Variants in KCNE1 observed in about 807,000 individuals in gnomAD.
KCNE1 encodes the protein potassium voltage-gated channel subfamily E regulatory subunit 1, also known as potassium voltage-gated channel subfamily E member 1.
In KCNE1, 1 loss-of-function variant was observed where a neutral mutation model predicts 2.9. That is an observed-to-expected ratio of 0.34 (90% CI 0.12 to 1.62). The LOEUF (loss-of-function observed/expected upper bound fraction) is 1.62, where lower values mean the gene tolerates loss of function less well. Among genes scored for constraint, KCNE1 ranks in the 40% most tolerant of loss-of-function variants. The pLI is 0.36. For missense variants in KCNE1, 45 were observed against 150.5 expected (o/e 0.30, Z 3.67); for synonymous variants, 23 against 65.4 (o/e 0.35, Z 3.13).
rs116579537 is a variant in KCNE1 at position 34,508,641 on chromosome 21, A to C, written c.-162+2460T>G. Among the ~76,000 whole-genome samples, 1,200 of 152,280 alleles carry C rather than the reference A, an allele frequency of 7.9e-3. 20 individuals are homozygous for C. The highest frequency in any genetic ancestry group is 0.027 in the African/African-American group (1,132 of 41,550). On this transcript the variant is annotated intron_variant, in intron 2 of 3. Transcript: ENST00000399286. ...TACAGGCATGAGCCACCGCGCCCAG[A>C]CTGGGGTTTTTTAATTTTCACTATT... is the stretch of plus-strand genomic sequence containing the variant.
intron 2 of KCNE1, among the ~76,000 whole-genome samples, chr21:34,506,713 T>C (rs988477210): frequency 3.3e-5 from 5 of 152,212 alleles, no homozygotes; most frequent in Non-Finnish European, 7.3e-5. Flanking sequence ...CAGAAACAAA[T>C]ACATTGAACT....
chr21:34,507,160 G>C (rs1983543755), intron 2 of KCNE1, among the ~76,000 whole-genome samples: 1 of 152,254 alleles, frequency 6.6e-6, no homozygotes, highest in Middle Eastern at 3.4e-3. Context: ...AGAAGGAATG[G>C]GGGAAGCTTT....
At chr21:34,497,844 A>T (rs1158794725) in intron 2 of KCNE1, among the ~76,000 whole-genome samples, 1 of 151,570 alleles carries the variant, frequency 6.6e-6, no homozygotes, top group Admixed American at 6.6e-5. Flanking sequence ...CATAATCCCA[A>T]ATTTCTTGGG....
At chr21:34,505,598 CTTGAAG>C (rs1983435973) in intron 2 of KCNE1, among the ~76,000 whole-genome samples, 2 of 152,176 alleles carry the variant, frequency 1.3e-5, no homozygotes, top group African/African-American at 2.4e-5. Context: ...GGGATTGGGG[CTTGAAG>C]CCCAGGTCTT....
chr21:34,497,543 G>T (rs528266461), intron 2 of KCNE1, among the ~76,000 whole-genome samples: 1 of 152,294 alleles, frequency 6.6e-6, no homozygotes, highest in Non-Finnish European at 1.5e-5. Flanking sequence ...TTTCTGCTGA[G>T]AAATCTGCTG....
chr21:34,446,706 T>C lies in KCNE1; in HGVS notation c.*2539A>G, dbSNP rs1353164618. 1.3e-5 allele frequency: 1 copy of C among 75,604 alleles called. No homozygotes were observed. Among genetic ancestry groups the C allele is most frequent in the Non-Finnish European group, 2.9e-5 (1 of 34,580 alleles). The allele number at this position is 75,604 out of a possible 1,614,324, so 4.7% of individuals were successfully genotyped here. The stretch of plus-strand genomic sequence containing the variant: ...CATCACAGATCATAGTAAATGGCTT[T>C]AATTTTTTAGCGAAATCTCACTACT... On this transcript the variant is annotated 3_prime_UTR_variant, in exon 4 of 4. Coordinates refer to ENST00000399286, the MANE Select transcript of KCNE1 (RefSeq NM_000219.6).
chr21:34,496,329 T>A (rs538726119), intron 2 of KCNE1, among the ~76,000 whole-genome samples: 4 of 152,312 alleles, frequency 2.6e-5, no homozygotes, highest in African/African-American at 9.6e-5. Flanking sequence ...CGCCTTGGCC[T>A]CCCAAAGTGC....
At chr21:34,497,052 C>A (rs189284346) in intron 2 of KCNE1, among the ~76,000 whole-genome samples, 14 of 152,182 alleles carry the variant, frequency 9.2e-5, no homozygotes, top group Middle Eastern at 3.4e-3. Context: ...TTATGTGAGT[C>A]CTTATGTGTC....
At position 34,501,386 on chromosome 21, in the gene KCNE1, T is replaced by C. The variant is rs41315455; in HGVS notation, c.-162+9715A>G. Among the ~76,000 whole-genome samples, 49 of 152,308 alleles carry C rather than the reference T, an allele frequency of 3.2e-4. 2 individuals are homozygous for C. In the East Asian group the frequency reaches 8.7e-3, roughly 27 times the overall value. On this transcript the variant is annotated intron_variant, in intron 2 of 3. Coordinates refer to ENST00000399286, the MANE Select transcript of KCNE1 (RefSeq NM_000219.6). ...AACTCTTCTAGTAGAACTTGAGGTATACATTCATGGCTCCATTGAGAATGG... is the reference window on the plus strand; with the variant it reads ...AACTCTTCTAGTAGAACTTGAGGTACACATTCATGGCTCCATTGAGAATGG...
At chr21:34,499,723 C>T (rs13050900) in intron 2 of KCNE1, among the ~76,000 whole-genome samples, 48,398 of 152,170 alleles carry the variant, frequency 0.32, 8,392 homozygotes, top group East Asian at 0.73. Context: ...GGGATATGTG[C>T]TTGGAGGCAG....
rs975826226 is a variant in KCNE1 at position 34,508,353 on chromosome 21, T to C, written c.-162+2748A>G. Among the ~76,000 whole-genome samples the C allele has an allele frequency of 3.3e-5, 5 of 152,108 alleles. No individual in the cohort carries two copies. In the South Asian group the frequency reaches 1.0e-3, roughly 32 times the overall value. ...GGTTTTATATTTTATTTTATTTATT[T>C]ATTTATTTAGACTGAGTCTTGCTCT... On this transcript the variant is annotated intron_variant, in intron 2 of 3. Coordinates refer to ENST00000399286, the MANE Select transcript of KCNE1 (RefSeq NM_000219.6).
At chr21:34,511,027 G>T in intron 2 of KCNE1, 74 bp downstream of exon 2, 2 of 483,410 alleles carry the variant, frequency 4.1e-6, no homozygotes, top group South Asian at 8.9e-5. Context: ...TTAGCCTGAT[G>T]TCAGGGTGGG....
intron 2 of KCNE1, among the ~76,000 whole-genome samples, chr21:34,500,188 C>CAT (rs1297481350): frequency 6.6e-6 from 1 of 152,118 alleles, no homozygotes; most frequent in Non-Finnish European, 1.5e-5. Context: ...GTATAACATA[C>CAT]ATATATATAC....
rs766125908 is a variant in KCNE1, at chr21:34,452,552, TCTAA to T, written c.-50-2872_-50-2869del. On this transcript the variant is annotated intron_variant, in intron 3 of 3. Transcript: ENST00000399286. ...GATGCCAATGAGCTGTCTCCGAAGC[TCTAA>T]CTGACTCCCTTTTCCAGAAGGGCAG... Among the ~76,000 whole-genome samples the T allele has an allele frequency of 2.5e-3, 42 of 16,678 alleles. 7 individuals carry two copies. Among genetic ancestry groups the T allele is most frequent in the Non-Finnish European group, 4.0e-3 (37 of 9,332 alleles). The allele number at this position is 16,678 out of a possible 152,430, so 10.9% of individuals were successfully genotyped here. A position where few individuals can be genotyped will look rare whatever the true frequency, so the allele number is the denominator to read the frequency against.
At chr21:34,508,595 G>A (rs994792626) in intron 2 of KCNE1, among the ~76,000 whole-genome samples, 5 of 152,070 alleles carry the variant, frequency 3.3e-5, no homozygotes, top group Non-Finnish European at 5.9e-5. Flanking sequence ...CACCCTCCTC[G>A]GCCTCCCAAA....
rs41313001 is a variant in KCNE1 at position 34,511,033 on chromosome 21, G to A, written c.-162+68C>T. 0.025 allele frequency: 12,613 copies of A among 511,552 alleles called. 183 individuals carry two copies. Among genetic ancestry groups the A allele is most frequent in the Non-Finnish European group, 0.028 (11,278 of 397,120 alleles). The allele number at this position is 511,552 out of a possible 1,614,324, so 31.7% of individuals were successfully genotyped here. On this transcript the variant is annotated intron_variant, in intron 2 of 3. Transcript: ENST00000399286. Reference sequence around the variant, plus strand: ...GCCTCTCCCTTAGCCTGATGTCAGGGTGGGCATGAGGGTGGGAGCAGAGGG... The same window carrying A: ...GCCTCTCCCTTAGCCTGATGTCAGGATGGGCATGAGGGTGGGAGCAGAGGG...
chr21:34,499,304 G>A (rs184136143), intron 2 of KCNE1, among the ~76,000 whole-genome samples: 51 of 152,320 alleles, frequency 3.3e-4, no homozygotes, highest in African/African-American at 1.2e-3. Context: ...CTTGCCCCAG[G>A]CTATAAGCTT....
At chr21:34,499,542 G>C (rs1211646354) in intron 2 of KCNE1, among the ~76,000 whole-genome samples, 8 of 152,362 alleles carry the variant, frequency 5.3e-5, no homozygotes, top group Middle Eastern at 3.4e-3. Flanking sequence ...ACCCCTGTGA[G>C]ATAGAGTCAG....
At chr21:34,496,652 G>C (rs558890274) in intron 2 of KCNE1, among the ~76,000 whole-genome samples, 1 of 152,168 alleles carries the variant, frequency 6.6e-6, no homozygotes, top group Non-Finnish European at 1.5e-5. Context: ...TGAGTAGAAT[G>C]TTCTGTAAAT....
Sources: allele counts gnomAD v4.1 joint callset (sites outside exome capture counted in the v4.1 genomes callset), GRCh38; gene constraint gnomAD v4.1.1; transcripts MANE v1.5; gene names NCBI Gene and HGNC (gene_info 2026-07-23, HGNC 2026-07-21).